ANO4: variants seen among roughly 807,000 people sequenced by gnomAD.
ANO4 encodes the protein anoctamin-4.
In ANO4, 69 loss-of-function variants were observed where a neutral mutation model predicts 141.9. The observed-to-expected ratio is 0.49, with a 90% confidence interval of 0.40 to 0.59. The LOEUF (loss-of-function observed/expected upper bound fraction) is 0.59, where lower values mean the gene tolerates loss of function less well. ANO4 is among the 20% of genes least tolerant of loss of function. The pLI is 0.00. For missense variants in ANO4, 894 were observed against 1,162.2 expected, an observed-to-expected ratio of 0.77 and a Z score of 3.36; for synonymous variants, 350 against 394.3, an observed-to-expected ratio of 0.89 and a Z score of 1.33.
At chr12:101,074,856 T>C (rs2136825384) in intron 14 of ANO4, among the ~76,000 whole-genome samples, 1 of 152,334 alleles carries the variant, frequency 6.6e-6, no homozygotes, top group Middle Eastern at 3.4e-3. Flanking sequence ...TTTGCTTTCA[T>C]TCTCAGGACA....
At chr12:101,103,503 T>TA (rs1566252698) in intron 22 of ANO4, among the ~76,000 whole-genome samples, 1 of 151,706 alleles carries the variant, frequency 6.6e-6, no homozygotes, top group Non-Finnish European at 1.5e-5. Context: ...TGTGATTTTT[T>TA]AAAAAATTTT....
At position 100,953,683 on chromosome 12, in the gene ANO4, C is replaced by A. The variant is rs191804446; in HGVS notation, c.456+11148C>A. Among the ~76,000 whole-genome samples the A allele has an allele frequency of 2.6e-5, 4 of 152,306 alleles. No individual in the cohort carries two copies. The East Asian group carries it at 7.7e-4, about 29-fold the overall frequency. On this transcript the variant is annotated intron_variant, in intron 5 of 27. Coordinates refer to ENST00000392977, the MANE Select transcript of ANO4 (RefSeq NM_001286615.2). ...ATACAGGAATACTGGGAAGGAGTCA[C>A]TATTTCATTTCAGGAGTTCAAGAAA...
chr12:100,825,970 T>C (rs1200070179), intron 1 of ANO4, among the ~76,000 whole-genome samples: 2 of 152,034 alleles, frequency 1.3e-5, no homozygotes, highest in Non-Finnish European at 2.9e-5. Flanking sequence ...GTTGCCAAAA[T>C]CAACTGGCTT....
chr12:101,050,019 A>G (rs2047795820), intron 14 of ANO4, among the ~76,000 whole-genome samples: 1 of 152,180 alleles, frequency 6.6e-6, no homozygotes, highest in Non-Finnish European at 1.5e-5. Flanking sequence ...AAAAATACAG[A>G]GGGCAGGAGG....
At chr12:100,952,858 A>C (rs903050031) in intron 5 of ANO4, among the ~76,000 whole-genome samples, 1 of 152,224 alleles carries the variant, frequency 6.6e-6, no homozygotes, top group Non-Finnish European at 1.5e-5. Context: ...TTCTGTTGCC[A>C]GGTCAAGATG....
chr12:100,825,944 C>G (rs1181024499), intron 1 of ANO4, among the ~76,000 whole-genome samples: 4 of 151,928 alleles, frequency 2.6e-5, no homozygotes, highest in East Asian at 3.9e-4. Context: ...CACAAAATTA[C>G]TTTATTATAG....
chr12:100,875,612 G>T (rs547101821), intron 1 of ANO4, among the ~76,000 whole-genome samples: 1 of 152,268 alleles, frequency 6.6e-6, no homozygotes, highest in Non-Finnish European at 1.5e-5. Flanking sequence ...AATATTTATT[G>T]TTCTCCTGTA....
chr12:101,070,072 G>T (rs1427340315), intron 14 of ANO4, among the ~76,000 whole-genome samples: 1 of 152,096 alleles, frequency 6.6e-6, no homozygotes, highest in Admixed American at 6.5e-5. Context: ...AAGCAATATT[G>T]TTAAGATGCC....
At chr12:100,967,333 TTAA>T (rs1196117005) in intron 5 of ANO4, among the ~76,000 whole-genome samples, 1 of 152,160 alleles carries the variant, frequency 6.6e-6, no homozygotes, top group African/African-American at 2.4e-5. Context: ...CAAGGAATAC[TTAA>T]TAATAAGGAA....
intron 1 of ANO4, among the ~76,000 whole-genome samples, chr12:100,815,483 G>A (rs568969546): frequency 5.6e-4 from 85 of 152,178 alleles, no homozygotes; most frequent in Non-Finnish European, 9.0e-4. Context: ...TACCATAAGC[G>A]TGTAACATAT....
intron 14 of ANO4, among the ~76,000 whole-genome samples, chr12:101,065,922 T>A (rs1246047578): frequency 6.6e-6 from 1 of 152,154 alleles, no homozygotes; most frequent in Admixed American, 6.5e-5. Flanking sequence ...TATAACCAGG[T>A]GGGATTTATT....
At chr12:101,082,290 T>A (rs2049314914) in intron 15 of ANO4, among the ~76,000 whole-genome samples, 1 of 152,204 alleles carries the variant, frequency 6.6e-6, no homozygotes, top group African/African-American at 2.4e-5. Context: ...TGCTCCTCCT[T>A]CACCTTCCAC....
At chr12:100,811,473 C>T (rs1214686898) in intron 1 of ANO4, among the ~76,000 whole-genome samples, 1 of 152,150 alleles carries the variant, frequency 6.6e-6, no homozygotes, top group African/African-American at 2.4e-5. Context: ...TTATGGCTCC[C>T]AGCCAGGTGC....
At chr12:100,863,407 G>A (rs2038585672) in intron 1 of ANO4, among the ~76,000 whole-genome samples, 1 of 152,152 alleles carries the variant, frequency 6.6e-6, no homozygotes, top group African/African-American at 2.4e-5. Context: ...TCAATACTCA[G>A]CTCAAGTGTT....
At chr12:100,736,670 G>C (rs2031633082) in intron 2 of ANO4, among the ~76,000 whole-genome samples, 1 of 152,150 alleles carries the variant, frequency 6.6e-6, no homozygotes, top group African/African-American at 2.4e-5. Context: ...GTCTTTGCAG[G>C]TGTAGTTAAG....
chr12:100,837,103 G>A (rs2036967175), intron 1 of ANO4, among the ~76,000 whole-genome samples: 1 of 152,152 alleles, frequency 6.6e-6, no homozygotes. Context: ...GAACAGGCCT[G>A]CCAGTAGATG....
chr12:100,898,012 T>C (rs760222779), intron 1 of ANO4, among the ~76,000 whole-genome samples: 1 of 152,214 alleles, frequency 6.6e-6, no homozygotes, highest in Non-Finnish European at 1.5e-5. Flanking sequence ...CATGGTATAG[T>C]GGAAAAAGGC....
chr12:100,909,542 G>C (rs1252729287), intron 2 of ANO4, among the ~76,000 whole-genome samples: 1 of 152,186 alleles, frequency 6.6e-6, no homozygotes, highest in African/African-American at 2.4e-5. Flanking sequence ...AAGTCAAACT[G>C]TATTAAGGGC....
intron 1 of ANO4, among the ~76,000 whole-genome samples, chr12:100,864,157 C>T (rs1366140294): frequency 6.6e-6 from 1 of 152,268 alleles, no homozygotes; most frequent in East Asian, 1.9e-4. Flanking sequence ...ATGACTCTAA[C>T]AATGTCGTAT....
Sources: gnomAD v4.1 joint callset for allele counts (sites outside exome capture counted in the v4.1 genomes callset) on GRCh38, gnomAD v4.1.1 for gene constraint, MANE v1.5 for transcripts, NCBI Gene and HGNC (gene_info 2026-07-23, HGNC 2026-07-21) for gene names.